PRKG1: variants seen among roughly 807,000 people sequenced by gnomAD.
PRKG1 encodes the protein protein kinase cGMP-dependent 1.
PRKG1 carries 35 observed loss-of-function variants against 88.1 expected under a neutral mutation model. The observed-to-expected ratio is 0.40, with a 90% CI of 0.30 to 0.53. PRKG1 has a LOEUF of 0.53. Among genes scored for constraint, PRKG1 ranks in the 20% least tolerant of loss-of-function variants. The pLI is 0.59. For synonymous variants in PRKG1, 303 were observed against 292.5 expected, an observed-to-expected ratio of 1.04 and a Z score of -0.37; for missense variants, 540 against 839.8, an observed-to-expected ratio of 0.64 and a Z score of 4.41.
chr10:51,474,568 A>G (rs1453951907), intron 3 of PRKG1, among the ~76,000 whole-genome samples: 1 of 151,930 alleles, frequency 6.6e-6, no homozygotes, highest in African/African-American at 2.4e-5. Context: ...ACCCTTATGG[A>G]TGTTTCATGA....
At chr10:51,187,988 A>G (rs1193672561) in intron 2 of PRKG1, among the ~76,000 whole-genome samples, 1 of 152,038 alleles carries the variant, frequency 6.6e-6, no homozygotes, top group Non-Finnish European at 1.5e-5. Flanking sequence ...CATGGTTCTT[A>G]TTGGCACAAT....
chr10:51,670,239 C>T (rs1840523838), intron 3 of PRKG1, among the ~76,000 whole-genome samples: 2 of 152,046 alleles, frequency 1.3e-5, no homozygotes, highest in East Asian at 1.9e-4. Flanking sequence ...CTTGAAACAG[C>T]CCATAGTATA....
In PRKG1 at chr10:51,868,030, G is replaced by A. The variant is rs377400867; in HGVS notation, c.699-39477G>A. Among the ~76,000 whole-genome samples the A allele has an allele frequency of 3.2e-4, 48 of 152,264 alleles. 1 individual carries two copies. The highest frequency in any genetic ancestry group is 1.1e-3 in the African/African-American group (46 of 41,538). On this transcript the variant is annotated intron_variant, in intron 4 of 17. Transcript: ENST00000373980. ...CATGGCCTGTATATACCAGTGACTA[G>A]TAAATGACTCACTGGTGCTTAGGTA...
At chr10:51,879,838 GA>G (rs1434474323) in intron 4 of PRKG1, among the ~76,000 whole-genome samples, 1 of 152,192 alleles carries the variant, frequency 6.6e-6, no homozygotes, top group African/African-American at 2.4e-5. Flanking sequence ...AAATCCGATT[GA>G]TGTTACTCAG....
At chr10:52,270,312 C>T (rs1018419037) in intron 10 of PRKG1, among the ~76,000 whole-genome samples, 15 of 152,128 alleles carry the variant, frequency 9.9e-5, no homozygotes, top group African/African-American at 3.4e-4. Flanking sequence ...GACAGTGTGG[C>T]GATTCCTCAC....
chr10:51,942,772 G>A (rs910509515), intron 5 of PRKG1, among the ~76,000 whole-genome samples: 33 of 151,422 alleles, frequency 2.2e-4, no homozygotes, highest in Non-Finnish European at 1.5e-5. Flanking sequence ...TAGATATATG[G>A]CATTATTTCT....
chr10:51,427,816 C>T (rs1200840673), intron 2 of PRKG1, among the ~76,000 whole-genome samples: 1 of 152,192 alleles, frequency 6.6e-6, no homozygotes, highest in East Asian at 1.9e-4. Flanking sequence ...GAGCTGTGCA[C>T]TCTAAAACTC....
chr10:51,809,350 A>C (rs1390987749), intron 4 of PRKG1, among the ~76,000 whole-genome samples: 1 of 152,218 alleles, frequency 6.6e-6, no homozygotes, highest in African/African-American at 2.4e-5. Flanking sequence ...TATAAGTCAA[A>C]CGATGATTTT....
chr10:51,659,004 G>T (rs1840230485), intron 3 of PRKG1, among the ~76,000 whole-genome samples: 1 of 152,022 alleles, frequency 6.6e-6, no homozygotes, highest in Non-Finnish European at 1.5e-5. Flanking sequence ...GTGGGCAATG[G>T]GTTTTTCAAA....
intron 3 of PRKG1, among the ~76,000 whole-genome samples, chr10:51,497,360 T>C (rs951681645): frequency 1.3e-5 from 2 of 152,126 alleles, no homozygotes; most frequent in African/African-American, 4.8e-5. Context: ...TGAGCACCTA[T>C]TATGTTTCAA....
At chr10:51,917,559 T>G (rs1842369954) in intron 5 of PRKG1, among the ~76,000 whole-genome samples, 1 of 152,166 alleles carries the variant, frequency 6.6e-6, no homozygotes, top group Non-Finnish European at 1.5e-5. Flanking sequence ...GAATGTGTAC[T>G]TGGGGGTCTC....
chr10:51,926,089 T>G (rs73335482), intron 5 of PRKG1, among the ~76,000 whole-genome samples: 7,155 of 152,234 alleles, frequency 0.047, 556 homozygotes, highest in African/African-American at 0.16. Flanking sequence ...CATGATATGG[T>G]AGCATCACAA....
At chr10:51,025,279 T>C (rs1316238082) in intron 1 of PRKG1, among the ~76,000 whole-genome samples, 1 of 152,220 alleles carries the variant, frequency 6.6e-6, no homozygotes, top group Admixed American at 6.5e-5. Context: ...GCTTGACAGT[T>C]GCATTGAGAA....
At chr10:51,899,173 A>C (rs1422124286) in intron 4 of PRKG1, among the ~76,000 whole-genome samples, 1 of 152,070 alleles carries the variant, frequency 6.6e-6, no homozygotes, top group Non-Finnish European at 1.5e-5. Flanking sequence ...TCAATACATC[A>C]ATTTTAATCA....
intron 2 of PRKG1, among the ~76,000 whole-genome samples, chr10:51,302,386 A>AT (rs1379936201): frequency 6.6e-6 from 1 of 152,154 alleles, no homozygotes; most frequent in East Asian, 1.9e-4. Context: ...TGCTCACTAG[A>AT]TTTTATTCAC....
intron 3 of PRKG1, among the ~76,000 whole-genome samples, chr10:51,602,771 TGTGTGTGTGTATATATTC>T (rs1347526333): frequency 6.0e-5 from 8 of 133,646 alleles, no homozygotes; most frequent in African/African-American, 1.4e-4. Context: ...TGTGTGTGTG[TGTGTGTGTGTATATATTC>T]ATATATATAT....
chr10:51,418,502 A>G (rs1564486519), intron 2 of PRKG1, among the ~76,000 whole-genome samples: 1 of 152,200 alleles, frequency 6.6e-6, no homozygotes, highest in Non-Finnish European at 1.5e-5. Context: ...CCTATAACAT[A>G]CGGACCTAAC....
At chr10:51,856,323 C>A (rs1454703157) in intron 4 of PRKG1, among the ~76,000 whole-genome samples, 2 of 152,082 alleles carry the variant, frequency 1.3e-5, no homozygotes, top group Admixed American at 1.3e-4. Flanking sequence ...AGCCAACTAC[C>A]CCAGGTTAGA....
intron 10 of PRKG1, chr10:52,253,400 C>T (rs1210471359): frequency 6.6e-6 from 1 of 151,902 alleles, no homozygotes; most frequent in Admixed American, 6.6e-5. Context: ...AGCTAGAGAA[C>T]TGAATACCAA....
Sources: gnomAD v4.1 joint callset for allele counts (sites outside exome capture counted in the v4.1 genomes callset) on GRCh38, gnomAD v4.1.1 for gene constraint, MANE v1.5 for transcripts, NCBI Gene and HGNC (gene_info 2026-07-23, HGNC 2026-07-21) for gene names.